The following DNAH9 variants were observed in gnomAD, a reference collection of about 807,000 sequenced individuals.
DNAH9 encodes the protein dynein axonemal heavy chain 9.
A neutral mutation model predicts 471.6 loss-of-function variants in DNAH9; 345 were observed. The observed-to-expected ratio is 0.73, with a 90% CI of 0.67 to 0.80. The LOEUF (loss-of-function observed/expected upper bound fraction) is 0.80. DNAH9 is among the 30% of genes least tolerant of loss of function. DNAH9 has a pLI of 0.00. For missense variants in DNAH9, 5,407 were observed against 5,609.2 expected (o/e 0.96, Z 1.15); for synonymous variants, 2,093 against 2,123.6 (o/e 0.99, Z 0.40).
At chr17:11,819,501 T>A (rs1201530587) in intron 45 of DNAH9, among the ~76,000 whole-genome samples, 2 of 151,992 alleles carry the variant, frequency 1.3e-5, no homozygotes, top group African/African-American at 4.8e-5. Context: ...CACTGCAACC[T>A]CCACCTCCTG....
At chr17:11,747,465 A>C in intron 31 of DNAH9, 91 bp from the exon 32 acceptor site, 1 of 1,001,252 alleles carries the variant, frequency 1.0e-6, no homozygotes, top group Non-Finnish European at 1.5e-6. Flanking sequence ...TTCAGGTCTC[A>C]CTTCAGACAC....
intron 21 of DNAH9, 150 bp downstream of exon 21, chr17:11,694,148 A>G: frequency 1.6e-6 from 2 of 1,246,342 alleles, no homozygotes; most frequent in Non-Finnish European, 2.3e-6. Context: ...GCATTATTAG[A>G]GGTGTTGACG....
rs1166757296 is a variant in DNAH9, at chr17:11,875,202, G to A, written c.10478+18G>A. ...CAGAAAGGGTAAGTGGTTGAGCACA[G>A]AAGTTCCCACTTTAGCCATTTGTGC... On this transcript the variant is annotated intron_variant, in intron 53 of 68. Coordinates refer to ENST00000262442, the MANE Select transcript of DNAH9 (RefSeq NM_001372.4). 6.2e-7 allele frequency: 1 copy of A among 1,603,584 alleles called. No homozygotes were observed. Among genetic ancestry groups the A allele is most frequent in the African/African-American group, 1.3e-5 (1 of 74,740 alleles).
rs2073840670 is a variant in DNAH9 at position 11,664,949 on chromosome 17, G to A, written c.2712G>A (p.Lys904=). 6.2e-7 allele frequency: 1 copy of A among 1,613,350 alleles called. No individual in the cohort carries two copies. Among genetic ancestry groups the A allele is most frequent in the Admixed American group, 1.7e-5 (1 of 59,968 alleles). Residue 904 remains lysine (K), a synonymous_variant, in exon 15 of 69, where the codon AAG becomes AAA. Coordinates refer to ENST00000262442, the MANE Select transcript of DNAH9 (RefSeq NM_001372.4). ...TTCTTGCCATTGAGTGCTCCCTCAA[G>A]TATCTTCTGGAAAATACTGGTACTT... The part of the protein sequence containing the change: ...GFFLAIECSL[K]YLLENTECKA...
chr17:11,952,873 T>C (rs145104979), intron 67 of DNAH9, among the ~76,000 whole-genome samples: 30 of 152,216 alleles, frequency 2.0e-4, no homozygotes, highest in African/African-American at 6.3e-4. Context: ...TTTCTCACAG[T>C]TGTGGAGGCT....
At chr17:11,756,421 AG>A (rs758041416) in intron 33 of DNAH9, 146 bp from the exon 34 acceptor site, 42 of 635,852 alleles carry the variant, frequency 6.6e-5, no homozygotes, top group Non-Finnish European at 1.2e-4. Context: ...ATTCAAGATG[AG>A]ATTTGGGTGG....
chr17:11,743,785 C>A (rs981432114), intron 30 of DNAH9, among the ~76,000 whole-genome samples: 3 of 152,222 alleles, frequency 2.0e-5, no homozygotes, highest in Non-Finnish European at 4.4e-5. Flanking sequence ...CTGGGTACAG[C>A]CACTGTGTTC....
At chr17:11,944,804 A>G (rs1975055869) in intron 67 of DNAH9, among the ~76,000 whole-genome samples, 1 of 152,172 alleles carries the variant, frequency 6.6e-6, no homozygotes, top group Non-Finnish European at 1.5e-5. Context: ...GTAATGTTTC[A>G]TCACCAGCCA....
At chr17:11,946,501 A>C (rs1045107939) in intron 67 of DNAH9, among the ~76,000 whole-genome samples, 12 of 149,880 alleles carry the variant, frequency 8.0e-5, no homozygotes, top group African/African-American at 2.3e-4. Flanking sequence ...GTCTCTACTA[A>C]AAATACAAAA....
Position 11,715,144 on chromosome 17 carries a change from T to G in DNAH9, c.5553-4190T>G, listed in dbSNP as rs568659188. On this transcript the variant is annotated intron_variant, in intron 26 of 68. Transcript: ENST00000262442. ...CTTTTCCGTGATAAGCACAGGCTATTCATAGCTGAAATCAAGATATAGCAG... is the reference window on the plus strand; with the variant it reads ...CTTTTCCGTGATAAGCACAGGCTATGCATAGCTGAAATCAAGATATAGCAG... Among the ~76,000 whole-genome samples, 12 of 152,372 alleles carry G rather than the reference T, an allele frequency of 7.9e-5. No homozygotes were observed. The East Asian group carries it at 2.3e-3, about 29-fold the overall frequency.
chr17:11,713,740 T>A (rs2074913425), intron 26 of DNAH9, among the ~76,000 whole-genome samples: 1 of 152,224 alleles, frequency 6.6e-6, no homozygotes, highest in South Asian at 2.1e-4. Context: ...ACAATATATT[T>A]ATCTTCCATT....
Position 11,699,717 on chromosome 17 carries a change from GT to G in DNAH9, c.4873-11del, listed in dbSNP as rs2150770658. ...ACATGTTTTATGATCCATTGGCCTG[GT>G]TTCCCTTCATAGGTTCAACGTCACC... is the stretch of plus-strand genomic sequence containing the variant. On this transcript the variant is annotated splice_polypyrimidine_tract_variant and intron_variant, in intron 22 of 68. Transcript: ENST00000262442. The G allele has an allele frequency of 1.2e-6, 2 of 1,613,676 alleles. No individual in the cohort carries two copies. The highest frequency in any genetic ancestry group is 4.5e-5 in the East Asian group (2 of 44,874).
At position 11,923,920 on chromosome 17, in the gene DNAH9, A is replaced by G; in HGVS notation, c.11856A>G (p.Lys3952=). 1.2e-6 allele frequency: 2 copies of G among 1,613,968 alleles called. No individual in the cohort carries two copies. The highest frequency in any genetic ancestry group is 1.3e-5 in the African/African-American group (1 of 75,028). The part of the protein sequence containing the change: ...AEAALDLAAK[K]GHWVILQNIH... ...CTGCGCTGGACCTCGCTGCCAAGAA[A>G]GGTCACTGGGTTATTTTGCAGGTAT... Residue 3952 remains lysine (K), a synonymous_variant, in exon 62 of 69, where the codon AAA becomes AAG. Transcript: ENST00000262442.
intron 35 of DNAH9, among the ~76,000 whole-genome samples, chr17:11,762,792 T>G (rs1361980637): frequency 1.4e-5 from 2 of 142,140 alleles, no homozygotes; most frequent in Non-Finnish European, 3.1e-5. Context: ...TTTTTTTTTT[T>G]TTTTTGAGAT....
chr17:11,867,119 C>T (rs1031657784), intron 50 of DNAH9, among the ~76,000 whole-genome samples: 4 of 152,232 alleles, frequency 2.6e-5, no homozygotes, highest in Non-Finnish European at 4.4e-5. Context: ...GCGTCGCTAA[C>T]GCTGGGAGCT....
chr17:11,655,069 T>C (rs1345657038), intron 14 of DNAH9, among the ~76,000 whole-genome samples: 1 of 152,114 alleles, frequency 6.6e-6, no homozygotes, highest in East Asian at 1.9e-4. Context: ...TTTCTGCTAA[T>C]TGGTACATAG....
chr17:11,825,546 G>A (rs1330294950), intron 48 of DNAH9, among the ~76,000 whole-genome samples: 1 of 152,192 alleles, frequency 6.6e-6, no homozygotes, highest in Non-Finnish European at 1.5e-5. Context: ...CAGTTTCTGT[G>A]TTACTGTTGT....
intron 41 of DNAH9, among the ~76,000 whole-genome samples, chr17:11,785,508 T>A (rs7221952): frequency 0.6 from 90,424 of 151,924 alleles, 28,869 homozygotes; most frequent in African/African-American, 0.85. Context: ...TGTTCCAGCC[T>A]GAACTCCTGA....
Position 11,679,765 on chromosome 17 carries a change from A to C in DNAH9, c.3362A>C (p.Asn1121Thr). The C allele has an allele frequency of 6.2e-7, 1 of 1,613,374 alleles. No individual in the cohort carries two copies. Among genetic ancestry groups the C allele is most frequent in the East Asian group, 2.2e-5 (1 of 44,850 alleles). ...CTGTTTGTGTTGATTAGCTTGGCCA[A>C]CCTGGATGCGTTTATAAAGAAGAGT... ...LVDHVTHSLA[N>T]LDAFIKKSES... Residue 1121 changes from asparagine (N) to threonine (T), a missense_variant, in exon 18 of 69, where the codon AAC (asparagine) becomes ACC (threonine). This residue lies in a region of DNAH9 where 4,636 missense variants were observed against 4,900.3 expected (regional missense o/e 0.95). Coordinates refer to ENST00000262442, the MANE Select transcript of DNAH9 (RefSeq NM_001372.4).
Sources: allele counts gnomAD v4.1 joint callset (sites outside exome capture counted in the v4.1 genomes callset), GRCh38; gene constraint gnomAD v4.1.1; regional missense constraint gnomAD v4.1.1; transcripts MANE v1.5; gene names NCBI Gene and HGNC (gene_info 2026-07-23, HGNC 2026-07-21).